The following TAFA2 variants were observed in gnomAD, a reference collection of about 807,000 sequenced individuals.
TAFA2 encodes the protein chemokine-like protein TAFA-2.
A neutral mutation model predicts 18.8 loss-of-function variants in TAFA2; 7 were observed. The observed-to-expected ratio is 0.37, with a 90% CI of 0.21 to 0.70. The LOEUF (loss-of-function observed/expected upper bound fraction) is 0.70, where lower values mean the gene tolerates loss of function less well. Ranked by LOEUF, TAFA2 falls within the 30% of genes least tolerant of loss-of-function variation. The probability of loss-of-function intolerance (pLI) is 0.53; values close to 1 mark genes in which losing one functional copy is unlikely to be tolerated. For missense variants in TAFA2, 122 were observed against 158.1 expected (o/e 0.77, Z 1.23); for synonymous variants, 60 against 54.2 (o/e 1.11, Z -0.47).
chr12:61,865,524 A>T lies in TAFA2; in HGVS notation c.106+1796T>A, dbSNP rs1373348225. Among the ~76,000 whole-genome samples, 3 of 152,016 alleles carry T rather than the reference A, an allele frequency of 2.0e-5. No individual in the cohort carries two copies. The East Asian group carries it at 5.8e-4, about 29-fold the overall frequency. The stretch of plus-strand genomic sequence containing the variant: ...AAGGGAAAAGCAAAACCACAAAAAA[A>T]CTCTATCTTCTGTAATGTACCAGCT... On this transcript the variant is annotated intron_variant, in intron 2 of 4. Coordinates refer to ENST00000416284, the MANE Select transcript of TAFA2 (RefSeq NM_178539.5).
chr12:61,964,521 G>A (rs1879003486), intron 1 of TAFA2, among the ~76,000 whole-genome samples: 1 of 151,480 alleles, frequency 6.6e-6, no homozygotes, highest in African/African-American at 2.4e-5. Context: ...TATACCAAAT[G>A]ACCCTCCCTT....
intron 2 of TAFA2, among the ~76,000 whole-genome samples, chr12:61,818,306 T>C (rs1167192693): frequency 6.6e-6 from 1 of 152,088 alleles, no homozygotes; most frequent in African/African-American, 2.4e-5. Context: ...TAACCTACAC[T>C]GAATAGGTAA....
intron 1 of TAFA2, among the ~76,000 whole-genome samples, chr12:61,877,204 G>A (rs772431407): frequency 2.6e-5 from 4 of 152,022 alleles, no homozygotes; most frequent in Non-Finnish European, 4.4e-5. Flanking sequence ...TGCTCTTTTT[G>A]CAATAAGATT....
At chr12:62,213,272 T>C (rs1019134715) in intron 1 of TAFA2, among the ~76,000 whole-genome samples, 21 of 152,192 alleles carry the variant, frequency 1.4e-4, no homozygotes, top group African/African-American at 4.8e-4. Context: ...GTGTACTCTG[T>C]TTATGGATAA....
chr12:62,160,684 T>A (rs2062400682), intron 1 of TAFA2, among the ~76,000 whole-genome samples: 6 of 152,192 alleles, frequency 3.9e-5, no homozygotes, highest in Admixed American at 3.9e-4. Flanking sequence ...TGGGGGCCAT[T>A]ATCTATGTAG....
upstream of TAFA2, among the ~76,000 whole-genome samples, chr12:62,197,500 C>A (rs1477248593): frequency 2.0e-5 from 3 of 152,142 alleles, no homozygotes; most frequent in Non-Finnish European, 4.4e-5. Flanking sequence ...TTAAAGTGTA[C>A]AATTTGATGA....
chr12:61,896,131 C>T (rs1875832656), intron 1 of TAFA2, among the ~76,000 whole-genome samples: 1 of 151,996 alleles, frequency 6.6e-6, no homozygotes, highest in Non-Finnish European at 1.5e-5. Flanking sequence ...AGGATGGTAC[C>T]TAAAATCTAT....
intron 1 of TAFA2, among the ~76,000 whole-genome samples, chr12:62,054,676 GTTAAAGCTGCTACT>G (rs778670803): frequency 3.3e-5 from 5 of 152,164 alleles, no homozygotes; most frequent in Non-Finnish European, 7.3e-5. Flanking sequence ...TACTTGAAAT[GTTAAAGCTGCTACT>G]TTACATAAAA....
intron 1 of TAFA2, among the ~76,000 whole-genome samples, chr12:61,908,179 G>A (rs970848186): frequency 6.6e-6 from 1 of 152,008 alleles, no homozygotes; most frequent in Non-Finnish European, 1.5e-5. Context: ...GGGCCAGGGT[G>A]AAATGATATG....
intron 1 of TAFA2, among the ~76,000 whole-genome samples, chr12:62,087,383 A>T (rs1442507478): frequency 1.3e-5 from 2 of 152,214 alleles, no homozygotes; most frequent in African/African-American, 4.8e-5. Flanking sequence ...GAAACATTGT[A>T]TCACTGAAAG....
chr12:62,094,749 TA>T (rs11422715), intron 1 of TAFA2, among the ~76,000 whole-genome samples: 1,651 of 151,388 alleles, frequency 0.011, 37 homozygotes, highest in African/African-American at 0.038. Flanking sequence ...ATTTTACACA[TA>T]AAAAAAATGA....
intron 1 of TAFA2, among the ~76,000 whole-genome samples, chr12:62,092,385 T>G (rs1868753951): frequency 6.6e-6 from 1 of 152,018 alleles, no homozygotes; most frequent in South Asian, 2.1e-4. Context: ...TGTCTCCAAT[T>G]TCTAGCCTTT....
chr12:61,841,385 G>C (rs1381951487), intron 2 of TAFA2, among the ~76,000 whole-genome samples: 2 of 152,028 alleles, frequency 1.3e-5, no homozygotes, highest in Non-Finnish European at 2.9e-5. Context: ...AGTTAACCAG[G>C]TACCATTTAT....
intron 1 of TAFA2, chr12:62,198,325 C>A (rs925214667): frequency 6.6e-6 from 1 of 152,234 alleles, no homozygotes; most frequent in African/African-American, 2.4e-5. Context: ...CCAGCCTCCT[C>A]TCTTTCTGCC....
At chr12:61,777,241 G>A (rs1358663977) in intron 2 of TAFA2, among the ~76,000 whole-genome samples, 1 of 151,878 alleles carries the variant, frequency 6.6e-6, no homozygotes, top group Admixed American at 6.6e-5. Flanking sequence ...GATGCCAACT[G>A]TGTGGCTTTG....
At chr12:61,900,685 T>C (rs1250314329) in intron 1 of TAFA2, among the ~76,000 whole-genome samples, 2 of 152,102 alleles carry the variant, frequency 1.3e-5, no homozygotes, top group Non-Finnish European at 2.9e-5. Context: ...TTACCTTCCA[T>C]CAGATCCCTC....
intron 1 of TAFA2, among the ~76,000 whole-genome samples, chr12:61,950,127 C>T (rs1325827149): frequency 1.3e-5 from 2 of 152,166 alleles, no homozygotes; most frequent in East Asian, 3.9e-4. Context: ...AATGATATTT[C>T]ATTGCATATA....
At chr12:61,728,032 GT>G (rs71083954) in intron 4 of TAFA2, among the ~76,000 whole-genome samples, 3,900 of 128,430 alleles carry the variant, frequency 0.03, 129 homozygotes, top group African/African-American at 0.087. Flanking sequence ...TTTGAGGGTT[GT>G]TTTTTTTTTT....
At position 61,997,078 on chromosome 12, in the gene TAFA2, C is replaced by G. The variant is rs146540260; in HGVS notation, c.-1-129652G>C. 6.1e-5 allele frequency among the ~76,000 whole-genome samples: 9 copies of G among 147,672 alleles called. No individual in the cohort carries two copies. The East Asian group carries it at 1.8e-3, about 29-fold the overall frequency. ...GAGGTTGTATTCCAGCAGGAAGAAA[C>G]AAAAAATAATAAACAAATAAACACA... On this transcript the variant is annotated intron_variant, in intron 1 of 4. Transcript: ENST00000416284.
Sources: gnomAD v4.1 joint callset for allele counts (sites outside exome capture counted in the v4.1 genomes callset) on GRCh38, gnomAD v4.1.1 for gene constraint, MANE v1.5 for transcripts, NCBI Gene and HGNC (gene_info 2026-07-23, HGNC 2026-07-21) for gene names.